The following PCDH15 variants were observed in gnomAD, a reference collection of about 807,000 sequenced individuals.
PCDH15 encodes the protein protocadherin related 15.
PCDH15 carries 129 observed loss-of-function variants against 178.5 expected under a neutral mutation model. The observed-to-expected ratio is 0.72, with a 90% CI of 0.63 to 0.84. The LOEUF is 0.84. Among genes scored for constraint, PCDH15 ranks in the 40% least tolerant of loss-of-function variants. The pLI, the probability that PCDH15 is intolerant of heterozygous loss-of-function variation, is 0.00. For synonymous variants in PCDH15, 800 were observed against 732.0 expected, an observed-to-expected ratio of 1.09 and a Z score of -1.50; for missense variants, 2,230 against 2,099.9, an observed-to-expected ratio of 1.06 and a Z score of -1.21.
At chr10:55,478,071 A>C (rs1170522878) in intron 2 of PCDH15, among the ~76,000 whole-genome samples, 2 of 151,878 alleles carry the variant, frequency 1.3e-5, no homozygotes, top group Non-Finnish European at 2.9e-5. Flanking sequence ...AAGTAAAAAA[A>C]CTATAAAAAG....
chr10:54,999,035 A>G (rs555713271), intron 2 of PCDH15, among the ~76,000 whole-genome samples: 1 of 151,742 alleles, frequency 6.6e-6, no homozygotes, highest in African/African-American at 2.4e-5. Flanking sequence ...TTATGTATAT[A>G]TGTATATATA....
chr10:55,021,667 G>T (rs2131955186), intron 2 of PCDH15, among the ~76,000 whole-genome samples: 1 of 152,222 alleles, frequency 6.6e-6, no homozygotes, highest in African/African-American at 2.4e-5. Context: ...TAAATGTCTG[G>T]CTGTTGTTGT....
Position 54,332,075 on chromosome 10 carries a change from T to C in PCDH15, c.595-2369A>G, listed in dbSNP as rs931409421. On this transcript the variant is annotated intron_variant, in intron 6 of 37. Coordinates refer to ENST00000644397, the MANE Select transcript of PCDH15 (RefSeq NM_001384140.1). ...ATTAATTACGGAGAAATAGCTAACATGCTAGTGATAGCAGAGTATAAAATA... is the reference window on the plus strand; with the variant it reads ...ATTAATTACGGAGAAATAGCTAACACGCTAGTGATAGCAGAGTATAAAATA... 2.0e-5 allele frequency among the ~76,000 whole-genome samples: 3 copies of C among 150,586 alleles called. No individual in the cohort carries two copies. In the Admixed American group the frequency reaches 2.0e-4, roughly 10 times the overall value.
chr10:55,221,433 T>G (rs2058248183), intron 1 of PCDH15, among the ~76,000 whole-genome samples: 1 of 152,152 alleles, frequency 6.6e-6, no homozygotes, highest in Non-Finnish European at 1.5e-5. Context: ...ATACAGCCTG[T>G]AAACTGTTTT....
intron 15 of PCDH15, among the ~76,000 whole-genome samples, chr10:54,111,818 T>C (rs1225642766): frequency 6.6e-6 from 1 of 151,912 alleles, no homozygotes. Context: ...TGATTGCCTA[T>C]AAAATTCTAT....
chr10:54,599,707 G>A (rs570121281), intron 2 of PCDH15: 23 of 455,294 alleles, frequency 5.1e-5, no homozygotes, highest in Non-Finnish European at 8.4e-5. Flanking sequence ...TGCACCTGAA[G>A]TTAATGGAAA....
At chr10:54,695,924 C>A (rs1375659112) in intron 1 of PCDH15, among the ~76,000 whole-genome samples, 1 of 152,004 alleles carries the variant, frequency 6.6e-6, no homozygotes, top group Admixed American at 6.6e-5. Context: ...TGCACCTAGT[C>A]ACCCATAAGC....
intron 25 of PCDH15, among the ~76,000 whole-genome samples, chr10:53,932,194 C>T (rs77987787): frequency 0.015 from 2,279 of 152,302 alleles, 82 homozygotes; most frequent in East Asian, 0.13. Flanking sequence ...AGGAATTCTG[C>T]GGTCTATGTC....
At chr10:55,213,248 G>A (rs1436736626) in intron 1 of PCDH15, among the ~76,000 whole-genome samples, 1 of 152,012 alleles carries the variant, frequency 6.6e-6, no homozygotes, top group Non-Finnish European at 1.5e-5. Context: ...CATGAGGATG[G>A]ATGGATAAAT....
chr10:54,090,915 T>C (rs1256401284), intron 15 of PCDH15, among the ~76,000 whole-genome samples: 1 of 152,142 alleles, frequency 6.6e-6, no homozygotes, highest in Non-Finnish European at 1.5e-5. Context: ...TTAATTGAAA[T>C]AATATATATC....
chr10:55,061,331 G>C (rs973751496), intron 2 of PCDH15, among the ~76,000 whole-genome samples: 1 of 152,018 alleles, frequency 6.6e-6, no homozygotes, highest in Non-Finnish European at 1.5e-5. Flanking sequence ...ATATCACAAA[G>C]GAAATGCAAA....
intron 3 of PCDH15, among the ~76,000 whole-genome samples, chr10:54,816,811 G>T (rs1406154104): frequency 6.6e-6 from 1 of 151,986 alleles, no homozygotes; most frequent in African/African-American, 2.4e-5. Flanking sequence ...GAATTCTTAA[G>T]TAATGATGTC....
intron 7 of PCDH15, among the ~76,000 whole-genome samples, chr10:54,322,454 T>G (rs903623702): frequency 6.6e-6 from 1 of 151,994 alleles, no homozygotes; most frequent in Non-Finnish European, 1.5e-5. Flanking sequence ...CAAGAATATC[T>G]TTTAAAAAGT....
chr10:54,926,140 G>A (rs1837618445), intron 2 of PCDH15, among the ~76,000 whole-genome samples: 1 of 152,054 alleles, frequency 6.6e-6, no homozygotes, highest in African/African-American at 2.4e-5. Context: ...CTAATTTCTT[G>A]AGAGTTTTAA....
intron 8 of PCDH15, among the ~76,000 whole-genome samples, chr10:54,303,140 G>A (rs2133302552): frequency 6.6e-6 from 1 of 152,232 alleles, no homozygotes; most frequent in East Asian, 1.9e-4. Context: ...TCTTGACTGA[G>A]AGGAACTTCC....
At chr10:54,517,383 A>T (rs2082343225) in intron 3 of PCDH15, among the ~76,000 whole-genome samples, 1 of 152,212 alleles carries the variant, frequency 6.6e-6, no homozygotes. Flanking sequence ...AAGCAAAAGG[A>T]AAACAAAAAA....
At chr10:54,881,220 T>C (rs940909239) in intron 3 of PCDH15, among the ~76,000 whole-genome samples, 4 of 152,028 alleles carry the variant, frequency 2.6e-5, no homozygotes, top group Non-Finnish European at 4.4e-5. Context: ...GCAGGGGCGC[T>C]TTGAGGAATT....
intron 2 of PCDH15, among the ~76,000 whole-genome samples, chr10:54,659,224 CA>C (rs1347212372): frequency 1.3e-5 from 2 of 151,936 alleles, no homozygotes; most frequent in Non-Finnish European, 2.9e-5. Context: ...ATTATCAAGG[CA>C]AAAGAAAACC....
intron 2 of PCDH15, among the ~76,000 whole-genome samples, chr10:55,514,173 CA>C (rs1342807905): frequency 3.3e-5 from 5 of 152,068 alleles, no homozygotes; most frequent in African/African-American, 9.7e-5. Flanking sequence ...CTACATAACA[CA>C]GTGACTAATA....
Sources: gnomAD v4.1 joint callset for allele counts (sites outside exome capture counted in the v4.1 genomes callset) on GRCh38, gnomAD v4.1.1 for gene constraint, MANE v1.5 for transcripts, NCBI Gene and HGNC (gene_info 2026-07-23, HGNC 2026-07-21) for gene names.